PPM1L: variants seen among roughly 807,000 people sequenced by gnomAD.
PPM1L encodes the protein protein phosphatase 1L.
Under a neutral mutation model 31.4 loss-of-function variants are expected in PPM1L, and 13 were observed. The observed-to-expected ratio is 0.41, with a 90% CI of 0.27 to 0.66. The LOEUF is 0.66. PPM1L is among the 30% of genes least tolerant of loss of function. The pLI, the probability that PPM1L is intolerant of heterozygous loss-of-function variation, is 0.29. For synonymous variants in PPM1L, 184 were observed against 175.4 expected, an observed-to-expected ratio of 1.05 and a Z score of -0.39; for missense variants, 326 against 453.7, an observed-to-expected ratio of 0.72 and a Z score of 2.56.
intron 2 of PPM1L, among the ~76,000 whole-genome samples, chr3:160,966,916 A>G (rs1716168453): frequency 6.6e-6 from 1 of 152,096 alleles, no homozygotes; most frequent in Non-Finnish European, 1.5e-5. Flanking sequence ...TATTCTGTAT[A>G]TAAAAGCAGG....
At chr3:160,928,766 C>T (rs1014218370) in intron 1 of PPM1L, among the ~76,000 whole-genome samples, 8 of 152,206 alleles carry the variant, frequency 5.3e-5, no homozygotes, top group South Asian at 2.1e-4. Context: ...TCCTACCATG[C>T]GAGGACACCT....
intron 2 of PPM1L, among the ~76,000 whole-genome samples, chr3:160,977,113 G>T (rs1273615505): frequency 6.6e-6 from 1 of 152,116 alleles, no homozygotes; most frequent in East Asian, 1.9e-4. Flanking sequence ...CTTTATTTCT[G>T]TGAAAGACAC....
chr3:160,904,180 C>G (rs17826424), intron 1 of PPM1L, among the ~76,000 whole-genome samples: 3,719 of 152,256 alleles, frequency 0.024, 79 homozygotes, highest in Middle Eastern at 0.034. Flanking sequence ...AATAAGTTTT[C>G]TACGTGAACC....
intron 2 of PPM1L, chr3:161,022,247 A>G (rs1159808411): frequency 1.6e-6 from 1 of 613,586 alleles, no homozygotes; most frequent in East Asian, 2.9e-5. Flanking sequence ...TCGATTTTAA[A>G]CAAAGACTTT....
intron 1 of PPM1L, among the ~76,000 whole-genome samples, chr3:160,851,570 A>G (rs1181045845): frequency 1.3e-5 from 2 of 152,256 alleles, no homozygotes; most frequent in African/African-American, 2.4e-5. Flanking sequence ...ATCTTTGAGA[A>G]GGAAGAATAG....
At chr3:160,815,279 A>C (rs1041856125) in intron 1 of PPM1L, among the ~76,000 whole-genome samples, 5 of 152,172 alleles carry the variant, frequency 3.3e-5, no homozygotes, top group African/African-American at 1.2e-4. Context: ...CCTGGCTCAA[A>C]TACTCTTTTA....
intron 1 of PPM1L, among the ~76,000 whole-genome samples, chr3:160,846,792 A>G (rs1355733877): frequency 1.3e-5 from 2 of 152,146 alleles, no homozygotes; most frequent in African/African-American, 4.8e-5. Flanking sequence ...CTTCTTTTTA[A>G]TATGTTCACA....
At chr3:160,760,193 T>G (rs985303012) in intron 1 of PPM1L, among the ~76,000 whole-genome samples, 2 of 152,246 alleles carry the variant, frequency 1.3e-5, no homozygotes, top group Non-Finnish European at 1.5e-5. Context: ...TATCCAGATA[T>G]TTGAGAAAAG....
chr3:160,985,789 A>T (rs1194960081), intron 2 of PPM1L, among the ~76,000 whole-genome samples: 2 of 151,392 alleles, frequency 1.3e-5, no homozygotes, highest in Non-Finnish European at 1.5e-5. Flanking sequence ...CTCTAAAAAT[A>T]TTTTTTTTTC....
chr3:161,005,262 G>C (rs1050933836), intron 2 of PPM1L, among the ~76,000 whole-genome samples: 3 of 152,072 alleles, frequency 2.0e-5, no homozygotes, highest in Admixed American at 1.3e-4. Flanking sequence ...ATTGCACTGT[G>C]GATCTTTCTA....
At chr3:161,026,499 C>T (rs1291922590) in intron 2 of PPM1L, among the ~76,000 whole-genome samples, 1 of 152,086 alleles carries the variant, frequency 6.6e-6, no homozygotes, top group Non-Finnish European at 1.5e-5. Context: ...AGCTCAAGAC[C>T]AGCCTGGCCA....
At chr3:161,010,648 A>G (rs1374282726) in intron 2 of PPM1L, among the ~76,000 whole-genome samples, 1 of 152,172 alleles carries the variant, frequency 6.6e-6, no homozygotes, top group Non-Finnish European at 1.5e-5. Flanking sequence ...CAACAGTGTA[A>G]AAGTGTTCCT....
chr3:160,986,040 A>G (rs1386599120), intron 2 of PPM1L, among the ~76,000 whole-genome samples: 1 of 152,104 alleles, frequency 6.6e-6, no homozygotes, highest in East Asian at 1.9e-4. Context: ...ACAATTTTTA[A>G]TGATGTATTA....
At chr3:160,947,728 T>G (rs1316769702) in intron 1 of PPM1L, among the ~76,000 whole-genome samples, 1 of 152,152 alleles carries the variant, frequency 6.6e-6, no homozygotes, top group Non-Finnish European at 1.5e-5. Context: ...TGACAAGCCC[T>G]CCAAGCCTGG....
rs1183033759 is a variant in PPM1L at position 160,841,122 on chromosome 3, A to G, written c.399+84415A>G. On this transcript the variant is annotated intron_variant, in intron 1 of 3. Transcript: ENST00000498165. ...GGAATTTAGTAATCTGGGGTTGGGA[A>G]TTTGGATGTACATATTGTGAGTCAT... 2.6e-5 allele frequency among the ~76,000 whole-genome samples: 4 copies of G among 152,010 alleles called. No homozygotes were observed. In the East Asian group the frequency reaches 7.7e-4, roughly 29 times the overall value.
At chr3:160,915,572 A>T (rs571222137) in intron 1 of PPM1L, among the ~76,000 whole-genome samples, 1 of 152,324 alleles carries the variant, frequency 6.6e-6, no homozygotes, top group South Asian at 2.1e-4. Flanking sequence ...TAAAGTTCAT[A>T]TGGAACCAAA....
At chr3:161,046,920 G>A (rs1719099295) in intron 2 of PPM1L, among the ~76,000 whole-genome samples, 1 of 152,030 alleles carries the variant, frequency 6.6e-6, no homozygotes, top group Admixed American at 6.6e-5. Flanking sequence ...CAATAAATTC[G>A]GTATTGATGG....
At chr3:160,796,885 C>T (rs1178397083) in intron 1 of PPM1L, among the ~76,000 whole-genome samples, 1 of 152,176 alleles carries the variant, frequency 6.6e-6, no homozygotes, top group Non-Finnish European at 1.5e-5. Flanking sequence ...CTGTCTTTCC[C>T]TCACTGAAGC....
chr3:160,929,791 T>C (rs1714724351), intron 1 of PPM1L, among the ~76,000 whole-genome samples: 1 of 152,238 alleles, frequency 6.6e-6, no homozygotes, highest in East Asian at 1.9e-4. Context: ...GGCTCGCATC[T>C]GTCCACAGGG....
Sources: allele counts gnomAD v4.1 joint callset (sites outside exome capture counted in the v4.1 genomes callset), GRCh38; gene constraint gnomAD v4.1.1; transcripts MANE v1.5; gene names NCBI Gene and HGNC (gene_info 2026-07-23, HGNC 2026-07-21).